Variants in CADPS2 observed in about 807,000 individuals in gnomAD.
CADPS2 encodes the protein calcium-dependent secretion activator 2.
A neutral mutation model predicts 172.5 loss-of-function variants in CADPS2; 93 were observed. The ratio of observed to expected loss-of-function variants is 0.54; its 90% CI spans 0.46 to 0.64. The LOEUF is 0.64. Among genes scored for constraint, CADPS2 ranks in the 30% least tolerant of loss-of-function variants. The probability of loss-of-function intolerance (pLI) is 0.00; values close to 1 mark genes in which losing one functional copy is unlikely to be tolerated. For missense variants in CADPS2, 1,420 were observed against 1,565.9 expected, an observed-to-expected ratio of 0.91 and a Z score of 1.57; for synonymous variants, 546 against 555.2, an observed-to-expected ratio of 0.98 and a Z score of 0.23.
intron 3 of CADPS2, among the ~76,000 whole-genome samples, chr7:122,645,031 GTTAA>G (rs757262522): frequency 1.3e-5 from 2 of 151,834 alleles, no homozygotes; most frequent in Non-Finnish European, 2.9e-5. Context: ...AGATGAATGA[GTTAA>G]TTAGATATAA....
intron 1 of CADPS2, among the ~76,000 whole-genome samples, chr7:122,785,339 C>G (rs1460036884): frequency 2.0e-5 from 3 of 152,114 alleles, no homozygotes; most frequent in Non-Finnish European, 2.9e-5. Context: ...TTTGTGGAGG[C>G]TAAAGTCTGA....
chr7:122,446,691 C>T (rs535642981), intron 15 of CADPS2, among the ~76,000 whole-genome samples: 2 of 152,138 alleles, frequency 1.3e-5, no homozygotes, highest in Non-Finnish European at 2.9e-5. Context: ...TTGCAAATAG[C>T]TGTAGCTCTC....
Position 122,764,211 on chromosome 7 carries a change from A to G in CADPS2, c.340-27143T>C, listed in dbSNP as rs117070046. On this transcript the variant is annotated intron_variant, in intron 1 of 29. Coordinates refer to ENST00000449022, the MANE Select transcript of CADPS2 (RefSeq NM_017954.11). ...TGCCTTATCTGATCCCTAAGGCTGA[A>G]GACCCTCTTACGTGTTCCTACATCA... Among the ~76,000 whole-genome samples, 688 of 152,188 alleles carry G rather than the reference A, an allele frequency of 4.5e-3. 1 individual carries two copies. The highest frequency in any genetic ancestry group is 7.7e-3 in the Non-Finnish European group (526 of 68,024).
intron 14 of CADPS2, among the ~76,000 whole-genome samples, chr7:122,465,377 G>A (rs995984565): frequency 1.3e-5 from 2 of 152,154 alleles, no homozygotes; most frequent in Non-Finnish European, 2.9e-5. Flanking sequence ...AAGCCCAGAT[G>A]GTTTAAAACA....
chr7:122,754,953 T>A (rs551577590), intron 1 of CADPS2, among the ~76,000 whole-genome samples: 1 of 152,330 alleles, frequency 6.6e-6, no homozygotes, highest in South Asian at 2.1e-4. Flanking sequence ...TTAATTTTTT[T>A]AATCAAGTTT....
intron 3 of CADPS2, among the ~76,000 whole-genome samples, chr7:122,649,320 A>G (rs2078893244): frequency 6.6e-6 from 1 of 152,048 alleles, no homozygotes; most frequent in Non-Finnish European, 1.5e-5. Context: ...TTAAACTTCA[A>G]TTAAATGTCC....
At chr7:122,612,444 T>C (rs1026217511) in intron 6 of CADPS2, among the ~76,000 whole-genome samples, 2 of 151,720 alleles carry the variant, frequency 1.3e-5, no homozygotes, top group African/African-American at 4.8e-5. Context: ...CAACTCAAAA[T>C]AGCATAAAAA....
At chr7:122,672,711 G>A (rs1159858563) in intron 2 of CADPS2, among the ~76,000 whole-genome samples, 1 of 152,142 alleles carries the variant, frequency 6.6e-6, no homozygotes, top group East Asian at 1.9e-4. Flanking sequence ...TGTCCTGCTG[G>A]TTGCTGGCCA....
chr7:122,599,049 T>C (rs1266807894), intron 6 of CADPS2, among the ~76,000 whole-genome samples: 1 of 151,728 alleles, frequency 6.6e-6, no homozygotes, highest in Non-Finnish European at 1.5e-5. Flanking sequence ...AAAGGGAAAG[T>C]AGTTAGGTGC....
rs142885527 is a variant in CADPS2 at position 122,671,693 on chromosome 7, T to C, written c.454-8124A>G. ...GGGCTCACAGTACAGTGAGAAAGAA[T>C]CCCTGGATAAGCAAAGAAGGATAGG... On this transcript the variant is annotated intron_variant, in intron 2 of 29. Transcript: ENST00000449022. Among the ~76,000 whole-genome samples the C allele has an allele frequency of 5.0e-3, 755 of 152,208 alleles. 7 individuals are homozygous for C. Among genetic ancestry groups the C allele is most frequent in the African/African-American group, 0.017 (717 of 41,524 alleles).
At position 122,628,120 on chromosome 7, in the gene CADPS2, C is replaced by T. The variant is rs939545151; in HGVS notation, c.867+1128G>A. 3.3e-5 allele frequency among the ~76,000 whole-genome samples: 5 copies of T among 152,210 alleles called. No homozygotes were observed. The East Asian group carries it at 5.8e-4, about 18-fold the overall frequency. On this transcript the variant is annotated intron_variant, in intron 4 of 29. Coordinates refer to ENST00000449022, the MANE Select transcript of CADPS2 (RefSeq NM_017954.11). ...ATTCCTGCTTGGTTCTTACAACTTA[C>T]TGTCATTCTTGTTACCCAATTATCT... is the stretch of plus-strand genomic sequence containing the variant.
At chr7:122,823,114 T>G (rs1358096778) in intron 1 of CADPS2, among the ~76,000 whole-genome samples, 1 of 152,240 alleles carries the variant, frequency 6.6e-6, no homozygotes, top group Non-Finnish European at 1.5e-5. Flanking sequence ...GTCTTCTTTT[T>G]GAGAAAAGTC....
chr7:122,813,573 A>C (rs1368589378), intron 1 of CADPS2, among the ~76,000 whole-genome samples: 1 of 152,112 alleles, frequency 6.6e-6, no homozygotes, highest in Non-Finnish European at 1.5e-5. Flanking sequence ...TCAAATGCAG[A>C]AATGTTCTTA....
intron 25 of CADPS2, among the ~76,000 whole-genome samples, chr7:122,375,550 A>G (rs2042239573): frequency 6.6e-6 from 1 of 152,090 alleles, no homozygotes; most frequent in Admixed American, 6.6e-5. Flanking sequence ...TAAAAGAATA[A>G]AAGTTGACCC....
chr7:122,753,151 T>C (rs1235903157), intron 1 of CADPS2, among the ~76,000 whole-genome samples: 1 of 152,174 alleles, frequency 6.6e-6, no homozygotes, highest in Non-Finnish European at 1.5e-5. Flanking sequence ...GCTCACATCT[T>C]ACAAGCACAT....
At chr7:122,614,209 T>A (rs538269658) in intron 6 of CADPS2, among the ~76,000 whole-genome samples, 2 of 151,764 alleles carry the variant, frequency 1.3e-5, no homozygotes, top group Non-Finnish European at 2.9e-5. Flanking sequence ...TCATGAGAGA[T>A]TGGTCAAGGG....
At chr7:122,834,859 G>T (rs1004885851) in intron 1 of CADPS2, among the ~76,000 whole-genome samples, 1 of 152,218 alleles carries the variant, frequency 6.6e-6, no homozygotes, top group African/African-American at 2.4e-5. Flanking sequence ...ACCTCTGGGG[G>T]CAGGGCATAG....
chr7:122,865,788 TTC>T (rs1818156762), intron 1 of CADPS2, among the ~76,000 whole-genome samples: 1 of 152,190 alleles, frequency 6.6e-6, no homozygotes, highest in Non-Finnish European at 1.5e-5. Context: ...CAACTAAAAA[TTC>T]TGTTGCTTAT....
intron 25 of CADPS2, among the ~76,000 whole-genome samples, chr7:122,363,312 A>G (rs1375607474): frequency 2.6e-5 from 4 of 152,180 alleles, no homozygotes; most frequent in Admixed American, 6.5e-5. Context: ...GGCAATTGCT[A>G]TGGTTACTAG....
Sources: gnomAD v4.1 joint callset for allele counts (sites outside exome capture counted in the v4.1 genomes callset) on GRCh38, gnomAD v4.1.1 for gene constraint, MANE v1.5 for transcripts, NCBI Gene and HGNC (gene_info 2026-07-23, HGNC 2026-07-21) for gene names.